The following STXBP5L variants were observed in gnomAD, a reference collection of about 807,000 sequenced individuals.
The protein encoded by STXBP5L is syntaxin-binding protein 5-like.
STXBP5L carries 65 observed loss-of-function variants against 144.5 expected under a neutral mutation model. That is an observed-to-expected ratio of 0.45 (90% CI 0.37 to 0.55). The LOEUF (loss-of-function observed/expected upper bound fraction) is 0.55. STXBP5L is among the 20% of genes least tolerant of loss of function. The pLI, the probability that STXBP5L is intolerant of heterozygous loss-of-function variation, is 0.00. For missense variants in STXBP5L, 1,298 were observed against 1,405.5 expected (o/e 0.92, Z 1.22); for synonymous variants, 505 against 469.6 (o/e 1.08, Z -0.97).
chr3:121,255,479 A>G (rs1389722394), intron 16 of STXBP5L, among the ~76,000 whole-genome samples: 1 of 152,040 alleles, frequency 6.6e-6, no homozygotes, highest in Non-Finnish European at 1.5e-5. Context: ...GTTTTGAACT[A>G]TGTATATATT....
At chr3:121,176,525 A>C (rs1235404464) in intron 9 of STXBP5L, among the ~76,000 whole-genome samples, 1 of 151,444 alleles carries the variant, frequency 6.6e-6, no homozygotes, top group Non-Finnish European at 1.5e-5. Context: ...GTATTGAAAA[A>C]CTGTCATTTA....
chr3:120,979,666 A>T (rs1941537303), intron 3 of STXBP5L, among the ~76,000 whole-genome samples: 1 of 152,098 alleles, frequency 6.6e-6, no homozygotes, highest in Admixed American at 6.5e-5. Flanking sequence ...TGTAGACTGG[A>T]GCTGTTCATA....
chr3:121,371,357 G>A (rs2046022533), intron 20 of STXBP5L, among the ~76,000 whole-genome samples: 2 of 152,180 alleles, frequency 1.3e-5, no homozygotes, highest in South Asian at 4.1e-4. Flanking sequence ...TTGATCTCCA[G>A]CTCCTTGAGT....
At chr3:120,960,960 T>C (rs1342719368) in intron 3 of STXBP5L, among the ~76,000 whole-genome samples, 1 of 152,184 alleles carries the variant, frequency 6.6e-6, no homozygotes, top group Admixed American at 6.6e-5. Context: ...GGATTTTCTT[T>C]GGTGAAAGAT....
At chr3:121,166,641 T>A (rs556761158) in intron 9 of STXBP5L, among the ~76,000 whole-genome samples, 3 of 152,194 alleles carry the variant, frequency 2.0e-5, no homozygotes, top group Non-Finnish European at 2.9e-5. Context: ...TATAAAGCTG[T>A]TTACTGTTTC....
intron 19 of STXBP5L, among the ~76,000 whole-genome samples, chr3:121,287,555 G>C (rs2051273092): frequency 6.6e-6 from 1 of 151,390 alleles, no homozygotes; most frequent in African/African-American, 2.4e-5. Context: ...GATGGGCCGG[G>C]CGCGGTGGCT....
chr3:121,243,878 G>A (rs2049753272), intron 14 of STXBP5L, among the ~76,000 whole-genome samples: 1 of 152,102 alleles, frequency 6.6e-6, no homozygotes, highest in African/African-American at 2.4e-5. Flanking sequence ...GATTCATTTG[G>A]TGAATTTATT....
At chr3:121,257,009 A>C in intron 16 of STXBP5L, 152 bp from the exon 17 acceptor site, 1 of 490,288 alleles carries the variant, frequency 2.0e-6, no homozygotes, top group Non-Finnish European at 3.5e-6. Context: ...TCCTGTAAAT[A>C]GTATTGAACT....
intron 20 of STXBP5L, among the ~76,000 whole-genome samples, chr3:121,334,957 G>A (rs1360122050): frequency 6.6e-6 from 1 of 152,142 alleles, no homozygotes; most frequent in Non-Finnish European, 1.5e-5. Context: ...CTGGCAAAGA[G>A]CAATCAGGCA....
chr3:121,050,365 T>A (rs1413235936), intron 5 of STXBP5L, among the ~76,000 whole-genome samples: 2 of 152,116 alleles, frequency 1.3e-5, no homozygotes, highest in African/African-American at 2.4e-5. Context: ...AGCAGAAATT[T>A]CAAGGATATC....
chr3:121,393,391 C>G (rs779927414), intron 22 of STXBP5L, among the ~76,000 whole-genome samples: 2 of 152,034 alleles, frequency 1.3e-5, no homozygotes, highest in Non-Finnish European at 2.9e-5. Flanking sequence ...TTTATTCACT[C>G]TGTTGTTTAT....
At chr3:121,083,079 G>A (rs770654830) in intron 5 of STXBP5L, among the ~76,000 whole-genome samples, 2 of 151,840 alleles carry the variant, frequency 1.3e-5, no homozygotes, top group Non-Finnish European at 2.9e-5. Flanking sequence ...GTGCTCTGTA[G>A]TCCCAGCTAC....
intron 5 of STXBP5L, 65 bp downstream of exon 5, chr3:121,045,600 G>A (rs574651315): frequency 1.4e-6 from 2 of 1,445,576 alleles, no homozygotes; most frequent in Admixed American, 1.9e-5. Context: ...GCAAGTTTTT[G>A]TTAACTTGAC....
At chr3:121,362,824 C>T (rs1174351653) in intron 20 of STXBP5L, among the ~76,000 whole-genome samples, 5 of 152,246 alleles carry the variant, frequency 3.3e-5, no homozygotes, top group Non-Finnish European at 5.9e-5. Context: ...ATAGCCACCA[C>T]AGCTGATAAT....
chr3:121,173,379 G>A lies in STXBP5L; in HGVS notation c.877+15752G>A, dbSNP rs563800093. 7.5e-4 allele frequency among the ~76,000 whole-genome samples: 112 copies of A among 150,226 alleles called. 1 individual carries two copies. Among genetic ancestry groups the A allele is most frequent in the African/African-American group, 2.6e-3 (105 of 41,034 alleles). Reference sequence around the variant, plus strand: ...ATAATAGAATAGTGCTCTCACTTCAGTAACAACAAAAAATGCTGGACAAAC... The same window carrying A: ...ATAATAGAATAGTGCTCTCACTTCAATAACAACAAAAAATGCTGGACAAAC... On this transcript the variant is annotated intron_variant, in intron 9 of 26. Coordinates refer to ENST00000471454, the MANE Select transcript of STXBP5L (RefSeq NM_001308330.2).
intron 3 of STXBP5L, among the ~76,000 whole-genome samples, chr3:121,001,727 T>C (rs1943794599): frequency 6.6e-6 from 1 of 152,126 alleles, no homozygotes; most frequent in South Asian, 2.1e-4. Flanking sequence ...CTGTATAGGG[T>C]TCCCAGCTTC....
At chr3:121,178,583 A>AG (rs1464267584) in intron 9 of STXBP5L, among the ~76,000 whole-genome samples, 7 of 152,296 alleles carry the variant, frequency 4.6e-5, no homozygotes, top group African/African-American at 1.7e-4. Flanking sequence ...ATAAAATAAA[A>AG]GGGGAAACAA....
At chr3:121,285,911 C>T (rs1249484136) in intron 19 of STXBP5L, among the ~76,000 whole-genome samples, 1 of 151,974 alleles carries the variant, frequency 6.6e-6, no homozygotes, top group Admixed American at 6.6e-5. Flanking sequence ...GATGAACCAA[C>T]CCACACCACA....
At chr3:121,019,004 G>A (rs756745119) in intron 3 of STXBP5L, among the ~76,000 whole-genome samples, 11 of 152,154 alleles carry the variant, frequency 7.2e-5, no homozygotes, top group Admixed American at 1.3e-4. Context: ...CCGGCTGCCG[G>A]GAAATAAACT....
Sources: allele counts gnomAD v4.1 joint callset (sites outside exome capture counted in the v4.1 genomes callset), GRCh38; gene constraint gnomAD v4.1.1; transcripts MANE v1.5; gene names NCBI Gene and HGNC (gene_info 2026-07-23, HGNC 2026-07-21).